Variants in HHIPL2 observed in about 807,000 individuals in gnomAD.
HHIPL2 encodes HHIP-like protein 2.
Under a neutral mutation model 61.0 loss-of-function variants are expected in HHIPL2, and 61 were observed. The ratio of observed to expected loss-of-function variants is 1.00; its 90% CI spans 0.81 to 1.24. The LOEUF (loss-of-function observed/expected upper bound fraction) is 1.24, where lower values mean the gene tolerates loss of function less well. HHIPL2 is among the 50% of genes most tolerant of loss of function. The pLI is 0.00. For synonymous variants in HHIPL2, 343 were observed against 357.4 expected (o/e 0.96, Z 0.45); for missense variants, 885 against 910.2 (o/e 0.97, Z 0.36).
chr1:222,537,646 A>AG (rs1367044397), intron 5 of HHIPL2, among the ~76,000 whole-genome samples: 16 of 151,426 alleles, frequency 1.1e-4, no homozygotes, highest in Non-Finnish European at 2.2e-4. Flanking sequence ...AAAAAAAAAA[A>AG]GAAAGTAAAA....
intron 2 of HHIPL2, 45 bp from the exon 3 acceptor site, chr1:222,542,200 T>TG: frequency 6.2e-7 from 1 of 1,600,834 alleles, no homozygotes; most frequent in South Asian, 1.1e-5. Flanking sequence ...TGACACAAGC[T>TG]GAAGCTGCAT....
At chr1:222,545,445 G>A (rs1439029840) in intron 1 of HHIPL2, among the ~76,000 whole-genome samples, 5 of 152,110 alleles carry the variant, frequency 3.3e-5, no homozygotes, top group South Asian at 4.2e-4. Context: ...GGCTCCCCTC[G>A]GGGTGTCTGT....
At chr1:222,547,629 C>G in intron 1 of HHIPL2, 95 bp downstream of exon 1, 1 of 1,091,394 alleles carries the variant, frequency 9.2e-7, no homozygotes, top group Non-Finnish European at 1.3e-6. Flanking sequence ...ACATGAACTT[C>G]TAAAGGGCTG....
Position 222,532,438 on chromosome 1 carries a change from C to A in HHIPL2, c.1578-327G>T, listed in dbSNP as rs1394939076. On this transcript the variant is annotated intron_variant, in intron 5 of 8. Coordinates refer to ENST00000343410, the MANE Select transcript of HHIPL2 (RefSeq NM_024746.4). ...GACCAGCCTGGCCAACATGGTGAAA[C>A]CCCCATCTCTACTAAAAATACAAAA... Among the ~76,000 whole-genome samples, 2 of 151,844 alleles carry A rather than the reference C, an allele frequency of 1.3e-5. 1 individual carries two copies. The highest frequency in any genetic ancestry group is 2.9e-5 in the Non-Finnish European group (2 of 67,952).
chr1:222,526,239 A>C (rs1223287341), intron 7 of HHIPL2, among the ~76,000 whole-genome samples: 1 of 152,098 alleles, frequency 6.6e-6, no homozygotes, highest in Non-Finnish European at 1.5e-5. Flanking sequence ...AATAAACACT[A>C]AACTCCAGAA....
At chr1:222,539,879 C>T (rs11487853) in intron 4 of HHIPL2, 131 bp downstream of exon 4, 12,969 of 740,614 alleles carry the variant, frequency 0.018, 513 homozygotes, top group African/African-American at 0.11. Context: ...TGGAGAAGCA[C>T]TACACCACAG....
At chr1:222,547,232 T>C (rs1465603735) in intron 1 of HHIPL2, among the ~76,000 whole-genome samples, 1 of 151,534 alleles carries the variant, frequency 6.6e-6, no homozygotes, top group East Asian at 1.9e-4. Context: ...CTGGAGAGAG[T>C]CTCCAACCCC....
In HHIPL2 at chr1:222,540,227, G is replaced by C. The variant is rs979592834; in HGVS notation, c.1233C>G (p.Pro411=). ...TCCTGATCCCATAGGCATAGATGGC[G>C]GGGTGGGCCCCTGGCTCAGAAACAA... is the stretch of plus-strand genomic sequence containing the variant. ...NPFVSEPGAH[P]AIYAYGIRNM... The change falls in exon 4 of 9, where the codon CCC becomes CCG. Residue 411 remains proline (P), a synonymous_variant. Coordinates refer to ENST00000343410, the MANE Select transcript of HHIPL2 (RefSeq NM_024746.4). 1.2e-6 allele frequency: 2 copies of C among 1,614,270 alleles called. No individual in the cohort carries two copies. The highest frequency in any genetic ancestry group is 1.7e-6 in the Non-Finnish European group (2 of 1,180,044).
chr1:222,547,543 A>G (rs1659579608), intron 1 of HHIPL2, among the ~76,000 whole-genome samples, 181 bp downstream of exon 1: 1 of 152,124 alleles, frequency 6.6e-6, no homozygotes, highest in African/African-American at 2.4e-5. Context: ...TGGGGAACCC[A>G]TGGAGACCAA....
rs1419657228 is a variant in HHIPL2 at position 222,531,993 on chromosome 1, T to C, written c.1696A>G (p.Ile566Val). 2 of 1,608,986 alleles carry C rather than the reference T, an allele frequency of 1.2e-6. No individual in the cohort carries two copies. Among genetic ancestry groups the C allele is most frequent in the South Asian group, 1.1e-5 (1 of 90,766 alleles). ...GCTTCATCTTCAGCAAAGGAGATGA[T>C]GAACTTGCTATGGGTGCTGATCAGC... Reference protein sequence around the residue: ...PGLISTHSKFIISFAEDEAGE... With the variant: ...PGLISTHSKFVISFAEDEAGE... Residue 566 changes from isoleucine to valine, a missense_variant, in exon 6 of 9, where the codon ATC (isoleucine) becomes GTC (valine). Transcript: ENST00000343410.
At chr1:222,539,885 C>CA in intron 4 of HHIPL2, 125 bp downstream of exon 4, 1 of 778,138 alleles carries the variant, frequency 1.3e-6, no homozygotes, top group Non-Finnish European at 2.1e-6. Context: ...AGCACTACAC[C>CA]ACAGGACACA....
In HHIPL2 at chr1:222,543,710, C is replaced by T. The variant is rs1359417135; in HGVS notation, c.801G>A (p.Trp267Ter). 3.1e-6 allele frequency: 5 copies of T among 1,614,090 alleles called. No homozygotes were observed. The highest frequency in any genetic ancestry group is 4.2e-6 in the Non-Finnish European group (5 of 1,180,048). ...CCAAGAAGCCTCTCTCATCCCCGAT[C>T]CATGGGGTGGTCAACACGATGTTCT... is the stretch of plus-strand genomic sequence containing the variant. ...DLKNIVLTTP[W>*]IGDERGFLGL... Residue 267 changes from tryptophan to a stop codon, truncating the protein, a stop_gained, in exon 2 of 9, where the codon TGG becomes TGA. Coordinates refer to ENST00000343410, the MANE Select transcript of HHIPL2 (RefSeq NM_024746.4). LOFTEE classifies it high-confidence loss of function.
In HHIPL2 at chr1:222,543,884, C is replaced by T; in HGVS notation, c.627G>A (p.Leu209=). The part of the protein sequence containing the change: ...QDPQGCLQLC[L]SEVANGLRNP... The stretch of plus-strand genomic sequence containing the variant: ...TCCTCAGCCCGTTGGCCACCTCGCT[C>T]AGGCAGAGCTGCAGGCAGCCCTGAG... Residue 209 remains leucine, a synonymous_variant, in exon 2 of 9, where the codon CTG becomes CTA. Coordinates refer to ENST00000343410, the MANE Select transcript of HHIPL2 (RefSeq NM_024746.4). The T allele has an allele frequency of 1.9e-6, 3 of 1,614,216 alleles. No individual in the cohort carries two copies. The highest frequency in any genetic ancestry group is 2.5e-6 in the Non-Finnish European group (3 of 1,180,032).
At chr1:222,546,326 G>C (rs192452602) in intron 1 of HHIPL2, among the ~76,000 whole-genome samples, 1 of 152,216 alleles carries the variant, frequency 6.6e-6, no homozygotes, top group African/African-American at 2.4e-5. Flanking sequence ...TTTACCTTGG[G>C]TAAGTCATCT....
intron 7 of HHIPL2, chr1:222,525,342 A>G (rs35948365): frequency 0.28 from 41,944 of 152,120 alleles, 5,941 homozygotes; most frequent in East Asian, 0.34. Context: ...CATCCCCTAA[A>G]CCCAGGAGAA....
At chr1:222,522,940 T>C (rs1658986189) in intron 8 of HHIPL2, 53 bp from the exon 9 acceptor site, 2 of 1,494,338 alleles carry the variant, frequency 1.3e-6, no homozygotes, top group African/African-American at 1.4e-5. Context: ...AAAGTAGCTA[T>C]AAGAGAAAAC....
Position 222,543,867 on chromosome 1 carries a change from C to T in HHIPL2, c.644G>A (p.Gly215Glu). The change falls in exon 2 of 9, where the codon GGG becomes GAG. Residue 215 changes from glycine (G) to glutamate (E), a missense_variant. Transcript: ENST00000343410. ...GACCATGGAGACGGGGTTCCTCAGC[C>T]CGTTGGCCACCTCGCTCAGGCAGAG... ...LQLCLSEVAN[G>E]LRNPVSMVHA... 6.2e-7 allele frequency: 1 copy of T among 1,614,166 alleles called. No individual in the cohort carries two copies. The highest frequency in any genetic ancestry group is 8.5e-7 in the Non-Finnish European group (1 of 1,180,006).
intron 2 of HHIPL2, 44 bp downstream of exon 2, chr1:222,543,493 T>A: frequency 1.9e-6 from 3 of 1,544,692 alleles, no homozygotes; most frequent in Non-Finnish European, 2.6e-6. Flanking sequence ...TTGGCATTAT[T>A]TCGGAACACA....
At chr1:222,528,820 ATT>A (rs59113896) in intron 6 of HHIPL2, among the ~76,000 whole-genome samples, 56 of 128,778 alleles carry the variant, frequency 4.3e-4, no homozygotes, top group Admixed American at 1.7e-3. Context: ...TAAACAACTA[ATT>A]TTTTTTTTTT....
Sources: gnomAD v4.1 joint callset for allele counts (sites outside exome capture counted in the v4.1 genomes callset) on GRCh38, gnomAD v4.1.1 for gene constraint, MANE v1.5 for transcripts, NCBI Gene and HGNC (gene_info 2026-07-23, HGNC 2026-07-21) for gene names.